The following CUX1 variants were observed in gnomAD, a reference collection of about 807,000 sequenced individuals.
CUX1 encodes protein CASP.
Under a neutral mutation model 158.8 loss-of-function variants are expected in CUX1, and 31 were observed. That is an observed-to-expected ratio of 0.20 (90% CI 0.15 to 0.26). CUX1 has a LOEUF of 0.26. Ranked by LOEUF, CUX1 falls within the 10% of genes least tolerant of loss-of-function variation. CUX1 has a pLI of 1.00. For synonymous variants in CUX1, 879 were observed against 862.1 expected (o/e 1.02, Z -0.34); for missense variants, 1,589 against 2,014.6 (o/e 0.79, Z 4.04).
chr7:102,193,295 A>G (rs1794471892), intron 12 of CUX1, among the ~76,000 whole-genome samples: 1 of 152,246 alleles, frequency 6.6e-6, no homozygotes, highest in Admixed American at 6.5e-5. Context: ...AAACTTTAAA[A>G]TTATACTCTG....
In CUX1 at chr7:102,250,065, A is replaced by G. The variant is rs1801334770; in HGVS notation, c.*1023A>G. ...GGACAAAAAAAAGAAAAAAAAAGAA[A>G]AAAAAAAAAGAAAAGATCCGAATCT... On this transcript the variant is annotated 3_prime_UTR_variant, in exon 24 of 24. Coordinates refer to ENST00000292535, the MANE Select transcript of CUX1 (RefSeq NM_181552.4). 4.1e-6 allele frequency: 4 copies of G among 983,688 alleles called. No homozygotes were observed. The South Asian group carries it at 1.4e-4, about 35-fold the overall frequency. 60.9% of individuals were successfully genotyped at this position (983,688 alleles called of 1,614,324 possible).
chr7:102,128,554 G>C (rs985996981), intron 8 of CUX1, among the ~76,000 whole-genome samples: 2 of 150,924 alleles, frequency 1.3e-5, no homozygotes, highest in East Asian at 3.9e-4. Flanking sequence ...CCAGGGCACC[G>C]GGCACAGCAT....
At chr7:101,889,091 C>T (rs1584892003) in intron 1 of CUX1, among the ~76,000 whole-genome samples, 1 of 151,580 alleles carries the variant, frequency 6.6e-6, no homozygotes, top group African/African-American at 2.4e-5. Context: ...CATAACCAGA[C>T]CCCGTCTCTA....
chr7:102,174,168 G>A (rs539124523), intron 10 of CUX1, among the ~76,000 whole-genome samples: 1 of 152,234 alleles, frequency 6.6e-6, no homozygotes, highest in South Asian at 2.1e-4. Context: ...CACCCAGGGT[G>A]GAGTGCAGTG....
chr7:102,158,590 C>T lies in CUX1; in HGVS notation c.705C>T (p.Asp235=), dbSNP rs1790054242. 1 of 1,614,006 alleles carries T rather than the reference C, an allele frequency of 6.2e-7. No individual in the cohort carries two copies. The highest frequency in any genetic ancestry group is 8.5e-7 in the Non-Finnish European group (1 of 1,179,988). ...ACGAGATTGAAATGATCATGACGGA[C>T]CTTGAAAGGGCAAACCAGGTAGGAC... is the stretch of plus-strand genomic sequence containing the variant. ...KADEIEMIMT[D]LERANQRAEV... The change falls in exon 9 of 24, where the codon GAC becomes GAT. Residue 235 remains aspartate (D), a synonymous_variant. Coordinates refer to ENST00000292535, the MANE Select transcript of CUX1 (RefSeq NM_181552.4).
intron 14 of CUX1, among the ~76,000 whole-genome samples, chr7:102,270,177 C>G (rs1554545978): frequency 1.3e-5 from 2 of 152,258 alleles, no homozygotes; most frequent in African/African-American, 4.8e-5. Context: ...GACTTGACAT[C>G]AAGTGGCCAC....
At chr7:101,898,617 GTCT>G (rs1217742884) in intron 1 of CUX1, among the ~76,000 whole-genome samples, 1 of 135,232 alleles carries the variant, frequency 7.4e-6, no homozygotes, top group Non-Finnish European at 1.5e-5. Flanking sequence ...TTGAGACAGA[GTCT>G]TGCCCTGTGG....
chr7:101,987,533 T>C (rs1814483193), intron 2 of CUX1, among the ~76,000 whole-genome samples: 1 of 152,250 alleles, frequency 6.6e-6, no homozygotes, highest in Non-Finnish European at 1.5e-5. Context: ...AGTTGACTAT[T>C]GGGGGAACCT....
intron 1 of CUX1, among the ~76,000 whole-genome samples, chr7:101,891,271 T>A (rs1800848955): frequency 6.6e-6 from 1 of 152,132 alleles, no homozygotes; most frequent in South Asian, 2.1e-4. Context: ...CAGGCTGGAG[T>A]GCAGTGGTTT....
At chr7:101,885,199 G>A (rs1800102442) in intron 1 of CUX1, among the ~76,000 whole-genome samples, 1 of 152,204 alleles carries the variant, frequency 6.6e-6, no homozygotes, top group South Asian at 2.1e-4. Context: ...TTCAGGGCAG[G>A]CGTGCCCTGA....
intron 2 of CUX1, among the ~76,000 whole-genome samples, chr7:101,940,262 G>A (rs1474272870): frequency 3.3e-5 from 5 of 150,082 alleles, no homozygotes; most frequent in Non-Finnish European, 7.4e-5. Flanking sequence ...AAAAAGAGGA[G>A]GTTTTAATGT....
intron 2 of CUX1, among the ~76,000 whole-genome samples, chr7:102,017,833 C>T (rs1818830371): frequency 1.3e-5 from 2 of 152,116 alleles, no homozygotes; most frequent in South Asian, 2.1e-4. Context: ...GGCAACAGAG[C>T]GAGACTCTGT....
chr7:101,824,711 C>G (rs970864363), intron 1 of CUX1: 1 of 152,178 alleles, frequency 6.6e-6, no homozygotes, highest in Admixed American at 6.5e-5. Flanking sequence ...CCAAGCCTGT[C>G]CCTTCCTGTG....
chr7:102,061,462 G>A (rs147045447), intron 3 of CUX1, among the ~76,000 whole-genome samples: 20 of 152,212 alleles, frequency 1.3e-4, no homozygotes, highest in African/African-American at 3.4e-4. Context: ...GTGAGACGGC[G>A]GTTCCTTCAC....
At chr7:102,233,548 AG>A (rs1554531515) in intron 21 of CUX1, among the ~76,000 whole-genome samples, 2 of 152,192 alleles carry the variant, frequency 1.3e-5, no homozygotes, top group African/African-American at 4.8e-5. Context: ...GCACTTTGGG[AG>A]GCTGATGGGG....
intron 1 of CUX1, among the ~76,000 whole-genome samples, chr7:101,855,187 C>T (rs145282194): frequency 1.1e-3 from 172 of 152,376 alleles, no homozygotes; most frequent in African/African-American, 3.9e-3. Flanking sequence ...GGCTGGACCC[C>T]GTCCCTTGGA....
At chr7:102,145,086 T>TAA (rs59225537) in intron 8 of CUX1, among the ~76,000 whole-genome samples, 27,012 of 118,280 alleles carry the variant, frequency 0.23, 3,169 homozygotes, top group Non-Finnish European at 0.3. Flanking sequence ...GACTCCGTCT[T>TAA]AAAAAAAAAA....
chr7:102,149,231 CTG>C (rs1303402071), intron 8 of CUX1, among the ~76,000 whole-genome samples: 2 of 152,306 alleles, frequency 1.3e-5, no homozygotes, highest in South Asian at 2.1e-4. Flanking sequence ...CTCAGTAAAT[CTG>C]TACTCATCCT....
chr7:102,264,091 C>T (rs1363610108), intron 14 of CUX1, among the ~76,000 whole-genome samples: 3 of 150,510 alleles, frequency 2.0e-5, no homozygotes, highest in South Asian at 2.1e-4. Flanking sequence ...CTGCAACCTC[C>T]GCCTCCCAGG....
Sources: gnomAD v4.1 joint callset for allele counts (sites outside exome capture counted in the v4.1 genomes callset) on GRCh38, gnomAD v4.1.1 for gene constraint, MANE v1.5 for transcripts, NCBI Gene and HGNC (gene_info 2026-07-23, HGNC 2026-07-21) for gene names.